Variants in APBA1 observed in about 807,000 individuals in gnomAD.
APBA1 encodes amyloid beta precursor protein binding family A member 1.
A neutral mutation model predicts 86.6 loss-of-function variants in APBA1; 55 were observed. The observed-to-expected ratio is 0.64, with a 90% confidence interval of 0.51 to 0.80. The LOEUF (loss-of-function observed/expected upper bound fraction) is 0.80. Ranked by LOEUF, APBA1 falls within the 30% of genes least tolerant of loss-of-function variation. The pLI is 0.00. For missense variants in APBA1, 1,090 were observed against 1,183.0 expected (o/e 0.92, Z 1.15); for synonymous variants, 511 against 493.9 (o/e 1.03, Z -0.46).
Position 69,497,416 on chromosome 9 carries a change from G to A in APBA1, c.1200+18595C>T, listed in dbSNP as rs777523001. ...TTTGCACCATGGCACACAGGGAAAT[G>A]TTAATATTTGTACAATACACTGGGC... On this transcript the variant is annotated intron_variant, in intron 2 of 12. Coordinates refer to ENST00000265381, the MANE Select transcript of APBA1 (RefSeq NM_001163.4). Among the ~76,000 whole-genome samples, 13 of 152,086 alleles carry A rather than the reference G, an allele frequency of 8.5e-5. No individual in the cohort carries two copies. In the South Asian group the frequency reaches 1.7e-3, roughly 19 times the overall value.
chr9:69,430,156 T>C lies in APBA1; in HGVS notation c.*1171A>G, dbSNP rs1834563529. ...TAATTTTGTGGTTTATGTACTATTC[T>C]GGCCTTTCCAATATCACATCCGCCT... On this transcript the variant is annotated 3_prime_UTR_variant, in exon 13 of 13. Transcript: ENST00000265381. The C allele has an allele frequency of 6.6e-6, 1 of 152,240 alleles. No individual in the cohort carries two copies. Among genetic ancestry groups the C allele is most frequent in the South Asian group, 2.1e-4 (1 of 4,834 alleles). The allele number at this position is 152,240 out of a possible 1,614,324, so 9.4% of individuals were successfully genotyped here. A position where few individuals can be genotyped will look rare whatever the true frequency, so the allele number is the denominator to read the frequency against.
intron 1 of APBA1, among the ~76,000 whole-genome samples, chr9:69,525,959 C>T (rs1184113805): frequency 2.0e-5 from 3 of 152,036 alleles, no homozygotes; most frequent in Non-Finnish European, 2.9e-5. Flanking sequence ...GAAAAATAAG[C>T]GACGGGGAAA....
At chr9:69,468,077 C>T (rs917673093) in intron 4 of APBA1, 109 bp from the exon 5 acceptor site, 2 of 1,310,804 alleles carry the variant, frequency 1.5e-6, no homozygotes, top group Non-Finnish European at 2.1e-6. Context: ...ACAGGTGAGG[C>T]AGAGCCAACC....
chr9:69,444,911 G>T (rs994592449), intron 10 of APBA1, among the ~76,000 whole-genome samples: 11 of 152,168 alleles, frequency 7.2e-5, no homozygotes, highest in Admixed American at 1.3e-4. Context: ...GCCCAGAGGG[G>T]GCTGGAGTCC....
At chr9:69,529,887 C>T (rs1194964300) in intron 1 of APBA1, among the ~76,000 whole-genome samples, 1 of 151,980 alleles carries the variant, frequency 6.6e-6, no homozygotes, top group East Asian at 1.9e-4. Flanking sequence ...GTGCAAATGA[C>T]ATGAGCAGAC....
chr9:69,626,993 C>T (rs1381020295), intron 1 of APBA1, among the ~76,000 whole-genome samples: 1 of 151,942 alleles, frequency 6.6e-6, no homozygotes, highest in Non-Finnish European at 1.5e-5. Flanking sequence ...TTTTGGCTGT[C>T]AATGCTTAAA....
intron 1 of APBA1, among the ~76,000 whole-genome samples, chr9:69,558,556 A>ACC (rs1836898689): frequency 7.5e-6 from 1 of 133,936 alleles, no homozygotes. Context: ...ACACACACAC[A>ACC]CACACATATA....
intron 1 of APBA1, among the ~76,000 whole-genome samples, chr9:69,634,277 C>T (rs149453803): frequency 6.6e-6 from 1 of 152,096 alleles, no homozygotes; most frequent in African/African-American, 2.4e-5. Flanking sequence ...CTCAGTGCTG[C>T]CTTGTTGCAG....
rs370688964 is a variant in APBA1 at position 69,444,162 on chromosome 9, C to T, written c.2182-3047G>A. ...ATGGCTGTCACTCAGCTTGTGGCCT[C>T]GATGTACCATGCGACTTAGCATTCA... On this transcript the variant is annotated intron_variant, in intron 10 of 12. Transcript: ENST00000265381. Among the ~76,000 whole-genome samples the T allele has an allele frequency of 5.3e-5, 8 of 152,188 alleles. No individual in the cohort carries two copies. In the East Asian group the frequency reaches 9.6e-4, roughly 18 times the overall value.
At chr9:69,475,682 C>T (rs1046175038) in intron 3 of APBA1, among the ~76,000 whole-genome samples, 4 of 152,182 alleles carry the variant, frequency 2.6e-5, no homozygotes, top group Admixed American at 6.5e-5. Context: ...GCATGTAACG[C>T]CAGGAGGAAA....
In APBA1 at chr9:69,658,569, A is replaced by ATT. The variant is rs71356125; in HGVS notation, c.-70+13582_-70+13583dup. ...AGGCGTGCACCACCATGCCCAGCTA[A>ATT]TTTTTTTTTTTTTTCAGTTAAGACA... On this transcript the variant is annotated intron_variant, in intron 1 of 12. Transcript: ENST00000265381. Among the ~76,000 whole-genome samples, 609 of 140,956 alleles carry ATT rather than the reference A, an allele frequency of 4.3e-3. 5 individuals are homozygous for ATT. The highest frequency in any genetic ancestry group is 0.02 in the South Asian group (88 of 4,352). 92.5% of individuals were successfully genotyped at this position (140,956 alleles called of 152,430 possible).
At chr9:69,587,854 G>A (rs140086545) in intron 1 of APBA1, among the ~76,000 whole-genome samples, 6 of 151,964 alleles carry the variant, frequency 3.9e-5, no homozygotes, top group Non-Finnish European at 5.9e-5. Context: ...GTGAAACCCC[G>A]TCTCTACCAA....
chr9:69,484,046 C>T (rs949556392), intron 2 of APBA1, among the ~76,000 whole-genome samples: 1 of 151,996 alleles, frequency 6.6e-6, no homozygotes, highest in Non-Finnish European at 1.5e-5. Context: ...TTTTTTCCCC[C>T]AAGTAATTTT....
At chr9:69,574,903 T>G (rs1448679506) in intron 1 of APBA1, among the ~76,000 whole-genome samples, 1 of 152,082 alleles carries the variant, frequency 6.6e-6, no homozygotes, top group Non-Finnish European at 1.5e-5. Flanking sequence ...GAGTGTCCAG[T>G]GTATAGAACT....
At chr9:69,474,130 T>C (rs1835406842) in intron 3 of APBA1, 1 of 152,174 alleles carries the variant, frequency 6.6e-6, no homozygotes, top group Non-Finnish European at 1.5e-5. Context: ...GGCTAAGATC[T>C]TTGGGGTTTG....
intron 1 of APBA1, among the ~76,000 whole-genome samples, chr9:69,667,464 C>A (rs1228086502): frequency 6.6e-6 from 1 of 151,856 alleles, no homozygotes; most frequent in Non-Finnish European, 1.5e-5. Context: ...TGGCTTCAAC[C>A]TGCCCACCTC....
At chr9:69,502,513 T>C (rs1477656598) in intron 2 of APBA1, among the ~76,000 whole-genome samples, 2 of 152,034 alleles carry the variant, frequency 1.3e-5, no homozygotes, top group African/African-American at 4.8e-5. Context: ...AATCATTAAA[T>C]CTTTAAAAAA....
intron 1 of APBA1, among the ~76,000 whole-genome samples, chr9:69,615,093 G>A (rs573894651): frequency 1.4e-4 from 21 of 152,222 alleles, no homozygotes; most frequent in South Asian, 1.0e-3. Context: ...CCAGCTACTC[G>A]GGAGGCTGAG....
chr9:69,607,412 T>A (rs753727509), intron 1 of APBA1, among the ~76,000 whole-genome samples: 13 of 152,068 alleles, frequency 8.5e-5, no homozygotes, highest in Non-Finnish European at 1.6e-4. Flanking sequence ...ACCAGGTCCC[T>A]CCCATGACAC....
Sources: gnomAD v4.1 joint callset for allele counts (sites outside exome capture counted in the v4.1 genomes callset) on GRCh38, gnomAD v4.1.1 for gene constraint, MANE v1.5 for transcripts, NCBI Gene and HGNC (gene_info 2026-07-23, HGNC 2026-07-21) for gene names.